DYNC2I1: variants seen among roughly 807,000 people sequenced by gnomAD.
DYNC2I1 encodes the protein cytoplasmic dynein 2 intermediate chain 1.
Under a neutral mutation model 133.4 loss-of-function variants are expected in DYNC2I1, and 89 were observed. The observed-to-expected ratio is 0.67, with a 90% confidence interval of 0.56 to 0.80. DYNC2I1 has a LOEUF of 0.80. Among genes scored for constraint, DYNC2I1 ranks in the 30% least tolerant of loss-of-function variants. The probability of loss-of-function intolerance (pLI) is 0.00; values close to 1 mark genes in which losing one functional copy is unlikely to be tolerated. For synonymous variants in DYNC2I1, 504 were observed against 484.3 expected, an observed-to-expected ratio of 1.04 and a Z score of -0.54; for missense variants, 1,291 against 1,314.5, an observed-to-expected ratio of 0.98 and a Z score of 0.28.
chr7:158,934,010 G>A (rs1850490139), intron 21 of DYNC2I1, 119 bp from the exon 22 acceptor site: 2 of 699,730 alleles, frequency 2.9e-6, no homozygotes, highest in East Asian at 2.8e-5. Flanking sequence ...AACCCACAGA[G>A]GAATGTGACA....
chr7:158,913,102 A>G lies in DYNC2I1; in HGVS notation c.1702+6A>G, dbSNP rs756976834. 2 of 1,601,710 alleles carry G rather than the reference A, an allele frequency of 1.2e-6. No individual in the cohort carries two copies. Among genetic ancestry groups the G allele is most frequent in the South Asian group, 1.1e-5 (1 of 90,018 alleles). On this transcript the variant is annotated splice_donor_region_variant and intron_variant, in intron 13 of 24. Coordinates refer to ENST00000407559, the MANE Select transcript of DYNC2I1 (RefSeq NM_018051.5). ...AAGTACTGTTGTATCTGGAGGTAAC[A>G]TCTTGCTCTTGAGTGTTGACCATTG...
At chr7:158,877,267 T>C (rs1371681292) in intron 4 of DYNC2I1, among the ~76,000 whole-genome samples, 1 of 152,076 alleles carries the variant, frequency 6.6e-6, no homozygotes, top group Admixed American at 6.5e-5. Context: ...GCGGGTGTGT[T>C]GGTGCTCTCC....
chr7:158,950,372 C>A (rs996007529), downstream of DYNC2I1, among the ~76,000 whole-genome samples: 1 of 152,176 alleles, frequency 6.6e-6, no homozygotes. Flanking sequence ...GCCTAAGATT[C>A]CAGGTGTGAG....
At chr7:158,927,112 C>T (rs560385431) in intron 20 of DYNC2I1, 69 bp downstream of exon 20, 6 of 1,207,904 alleles carry the variant, frequency 5.0e-6, no homozygotes, top group Non-Finnish European at 7.1e-6. Context: ...GTACTGATAA[C>T]TGCGGTCAGG....
Position 158,916,522 on chromosome 7 carries a change from A to T in DYNC2I1, c.1791+2201A>T, listed in dbSNP as rs1467429631. Among the ~76,000 whole-genome samples the T allele has an allele frequency of 3.4e-5, 2 of 58,004 alleles. 1 individual carries two copies. The highest frequency in any genetic ancestry group is 1.2e-4 in the African/African-American group (2 of 16,368). The allele number at this position is 58,004 out of a possible 152,430, so 38.1% of individuals were successfully genotyped here. ...TTAAGGATGATTGTGAAACGTCTAC[A>T]CGCTGGTTGACATTAAGGATGATTG... On this transcript the variant is annotated intron_variant, in intron 14 of 24. Transcript: ENST00000407559.
chr7:158,851,423 C>CTACTCAGGAGGCTG, the DYNC2I1 span, among the ~76,000 whole-genome samples: 44,815 of 151,598 alleles, frequency 0.3, 10,415 homozygotes, highest in East Asian at 0.69. Context: ...GTAATCCCAG[C>CTACTCAGGAGGCTG]AAGAAGGAGA....
chr7:158,858,641 C>T lies in DYNC2I1; in HGVS notation c.15+1891C>T, dbSNP rs10225861. Among the ~76,000 whole-genome samples the T allele has an allele frequency of 4.2e-3, 646 of 152,280 alleles. 8 individuals carry two copies. Among genetic ancestry groups the T allele is most frequent in the African/African-American group, 0.015 (612 of 41,554 alleles). ...ATTCTCTTAAATTCTTCCCAGAGCT[C>T]ACTGACTTTATGTTCTCATCAGGAC... On this transcript the variant is annotated intron_variant, in intron 1 of 24. Coordinates refer to ENST00000407559, the MANE Select transcript of DYNC2I1 (RefSeq NM_018051.5).
At chr7:158,860,930 A>G (rs572561310) in intron 1 of DYNC2I1, among the ~76,000 whole-genome samples, 14 of 152,316 alleles carry the variant, frequency 9.2e-5, no homozygotes, top group South Asian at 4.1e-4. Flanking sequence ...GTCCTCACCA[A>G]TCCGCTTGTG....
chr7:158,872,762 C>T (rs1011207919), intron 3 of DYNC2I1, among the ~76,000 whole-genome samples: 3 of 151,956 alleles, frequency 2.0e-5, no homozygotes, highest in East Asian at 1.9e-4. Flanking sequence ...TTTGGGAGGC[C>T]GAGGTGGGCA....
intron 21 of DYNC2I1, among the ~76,000 whole-genome samples, chr7:158,931,193 T>C (rs1003017668): frequency 2.0e-5 from 3 of 152,260 alleles, no homozygotes; most frequent in African/African-American, 7.2e-5. Flanking sequence ...TATAACTTAA[T>C]ATGACATAAA....
At position 158,934,410 on chromosome 7, in the gene DYNC2I1, C is replaced by G. The variant is rs966001468; in HGVS notation, c.2647-8C>G. Reference sequence around the variant, plus strand: ...TCGTTCAGTCACTCTTGGGCTTCTTCTTCACAGGGTCTCATAAGCCATGGC... The same window carrying G: ...TCGTTCAGTCACTCTTGGGCTTCTTGTTCACAGGGTCTCATAAGCCATGGC... On this transcript the variant is annotated splice_polypyrimidine_tract_variant and splice_region_variant and intron_variant, in intron 22 of 24. Coordinates refer to ENST00000407559, the MANE Select transcript of DYNC2I1 (RefSeq NM_018051.5). 1 of 1,604,766 alleles carries G rather than the reference C, an allele frequency of 6.2e-7. No individual in the cohort carries two copies. The highest frequency in any genetic ancestry group is 1.3e-5 in the African/African-American group (1 of 74,756).
chr7:158,945,511 T>C lies in DYNC2I1; in HGVS notation c.3003-70T>C. The C allele has an allele frequency of 6.8e-7, 1 of 1,465,624 alleles. No individual in the cohort carries two copies. The highest frequency in any genetic ancestry group is 9.1e-7 in the Non-Finnish European group (1 of 1,092,938). The allele number at this position is 1,465,624 out of a possible 1,614,324, so 90.8% of individuals were successfully genotyped here. Reference sequence around the variant, plus strand: ...CTCTTCCCATGGAAGGTAGACATTTTGAAGACTCAGACAGAACCGAATGTC... The same window carrying C: ...CTCTTCCCATGGAAGGTAGACATTTCGAAGACTCAGACAGAACCGAATGTC... On this transcript the variant is annotated intron_variant, in intron 24 of 24. Coordinates refer to ENST00000407559, the MANE Select transcript of DYNC2I1 (RefSeq NM_018051.5). This position sits in a 1 kb window ranked among gnomAD's most constrained non-coding sequence, Gnocchi z 4.1.
intron 21 of DYNC2I1, among the ~76,000 whole-genome samples, chr7:158,933,168 G>A (rs1428811804): frequency 6.6e-6 from 1 of 152,218 alleles, no homozygotes; most frequent in African/African-American, 2.4e-5. Flanking sequence ...CTTTGATGAT[G>A]TGGGTGTGGC....
chr7:158,945,324 C>T lies in DYNC2I1; in HGVS notation c.3003-257C>T, dbSNP rs1585267008. Among the ~76,000 whole-genome samples the T allele has an allele frequency of 1.3e-5, 2 of 152,182 alleles. No homozygotes were observed. The highest frequency in any genetic ancestry group is 4.1e-4 in the South Asian group (2 of 4,832). ...TTCTCCAGGGACCTGCTGGGGGCTA[C>T]TGACTCCCGGCCTGAGGAGACAGCA... On this transcript the variant is annotated intron_variant, in intron 24 of 24. Coordinates refer to ENST00000407559, the MANE Select transcript of DYNC2I1 (RefSeq NM_018051.5). This position sits in a 1 kb window ranked among gnomAD's most constrained non-coding sequence, Gnocchi z 4.1.
chr7:158,905,102 G>T (rs762965144), intron 10 of DYNC2I1: 46 of 420,718 alleles, frequency 1.1e-4, no homozygotes, highest in Non-Finnish European at 1.9e-4. Context: ...CATTACAAAG[G>T]ATTGGGGATG....
chr7:158,949,160 G>A (rs1851976200), downstream of DYNC2I1, among the ~76,000 whole-genome samples: 1 of 152,142 alleles, frequency 6.6e-6, no homozygotes, highest in African/African-American at 2.4e-5. Flanking sequence ...CATCCTCTTG[G>A]AGACTCAACA....
chr7:158,887,198 C>G (rs560998635), intron 7 of DYNC2I1, 123 bp downstream of exon 7: 6 of 935,592 alleles, frequency 6.4e-6, no homozygotes, highest in Non-Finnish European at 8.4e-6. Flanking sequence ...ATGGTTTATT[C>G]GAGTGGTGAT....
chr7:158,937,622 G>GAGAAAAAAAAAAAAAAAA (rs1850891745), intron 23 of DYNC2I1, among the ~76,000 whole-genome samples: 1 of 109,466 alleles, frequency 9.1e-6, no homozygotes, highest in Non-Finnish European at 1.8e-5. Flanking sequence ...ACTGTCTCAA[G>GAGAAAAAAAAAAAAAAAA]AAAAAAAAAA....
chr7:158,926,236 A>C lies in DYNC2I1; in HGVS notation c.2307A>C (p.Glu769Asp), dbSNP rs1585196290. The C allele has an allele frequency of 3.7e-6, 6 of 1,613,512 alleles. No individual in the cohort carries two copies. Among genetic ancestry groups the C allele is most frequent in the Non-Finnish European group, 5.1e-6 (6 of 1,179,756 alleles). The change falls in exon 18 of 25, where the codon GAA becomes GAC. Residue 769 changes from glutamate to aspartate, a missense_variant. Transcript: ENST00000407559. Reference protein sequence around the residue: ...VNHRSPLQAVEPISTSVHKKQ... With the variant: ...VNHRSPLQAVDPISTSVHKKQ... The stretch of plus-strand genomic sequence containing the variant: ...ACCGAAGCCCTCTTCAAGCAGTAGA[A>C]CCTATCTCAACGTCCGTCCACAAAA...
Sources: gnomAD v4.1 joint callset for allele counts (sites outside exome capture counted in the v4.1 genomes callset) on GRCh38, gnomAD v4.1.1 for gene constraint, Gnocchi (gnomAD v3.1) non-coding constraint, MANE v1.5 for transcripts, NCBI Gene and HGNC (gene_info 2026-07-23, HGNC 2026-07-21) for gene names.